The following RSRC1 variants were observed in gnomAD, a reference collection of about 807,000 sequenced individuals.
The protein encoded by RSRC1 is arginine and serine rich coiled-coil 1.
RSRC1 carries 39 observed loss-of-function variants against 49.1 expected under a neutral mutation model. The ratio of observed to expected loss-of-function variants is 0.79; its 90% CI spans 0.61 to 1.04. The LOEUF is 1.04. Ranked by LOEUF, RSRC1 falls within the 50% of genes least tolerant of loss-of-function variation. RSRC1 has a pLI of 0.00. For synonymous variants in RSRC1, 143 were observed against 130.8 expected (o/e 1.09, Z -0.63); for missense variants, 388 against 402.4 (o/e 0.96, Z 0.31).
chr3:158,490,824 T>C (rs888597517), intron 7 of RSRC1, among the ~76,000 whole-genome samples: 2 of 152,224 alleles, frequency 1.3e-5, no homozygotes. Context: ...GTTCATATTA[T>C]ACACGTACTG....
chr3:158,237,148 G>T (rs1336766958), intron 4 of RSRC1, among the ~76,000 whole-genome samples: 1 of 152,106 alleles, frequency 6.6e-6, no homozygotes, highest in East Asian at 1.9e-4. Context: ...TTTGACAAAG[G>T]ATATTTCAAT....
At chr3:158,451,955 G>A (rs530277016) in intron 6 of RSRC1, among the ~76,000 whole-genome samples, 3 of 152,126 alleles carry the variant, frequency 2.0e-5, no homozygotes, top group African/African-American at 7.2e-5. Context: ...ATTTTCTAAT[G>A]CCATCTTAAA....
At chr3:158,146,657 C>G (rs562218713) in intron 3 of RSRC1, among the ~76,000 whole-genome samples, 101 of 152,206 alleles carry the variant, frequency 6.6e-4, no homozygotes, top group African/African-American at 1.3e-3. Context: ...ATGAGTTAGG[C>G]AGGATTCCCT....
intron 6 of RSRC1, among the ~76,000 whole-genome samples, chr3:158,407,510 A>G (rs1231364774): frequency 6.6e-6 from 1 of 152,216 alleles, no homozygotes; most frequent in Non-Finnish European, 1.5e-5. Context: ...CTACCACTAA[A>G]TAAAAATTAA....
chr3:158,205,225 A>G (rs1283700923), intron 4 of RSRC1, among the ~76,000 whole-genome samples: 1 of 152,092 alleles, frequency 6.6e-6, no homozygotes, highest in Non-Finnish European at 1.5e-5. Flanking sequence ...GTAGTAGAGG[A>G]TAGTGTTGTG....
intron 7 of RSRC1, among the ~76,000 whole-genome samples, chr3:158,527,367 T>C (rs1277188981): frequency 2.0e-5 from 3 of 151,050 alleles, no homozygotes; most frequent in Admixed American, 6.6e-5. Context: ...GAGTTGGAGA[T>C]TTTTTTTTAA....
rs150996295 is a variant in RSRC1, at chr3:158,478,208, T to C, written c.652+17205T>C. Among the ~76,000 whole-genome samples, 167 of 152,096 alleles carry C rather than the reference T, an allele frequency of 1.1e-3. 1 individual carries two copies. The highest frequency in any genetic ancestry group is 3.8e-3 in the African/African-American group (157 of 41,550). Reference sequence around the variant, plus strand: ...TTTTCACTAGACTATCACAATCATTTTACACTGTTAGACCTAGGTTTTGGG... The same window carrying C: ...TTTTCACTAGACTATCACAATCATTCTACACTGTTAGACCTAGGTTTTGGG... On this transcript the variant is annotated intron_variant, in intron 7 of 9. Coordinates refer to ENST00000611884, the MANE Select transcript of RSRC1 (RefSeq NM_001271838.2).
chr3:158,144,182 C>T (rs1578129877), intron 3 of RSRC1, among the ~76,000 whole-genome samples: 2 of 152,030 alleles, frequency 1.3e-5, no homozygotes, highest in Admixed American at 6.6e-5. Context: ...ATGTGCACAA[C>T]GTGCAGGTTT....
At chr3:158,341,365 G>A (rs1051167183) in intron 5 of RSRC1, among the ~76,000 whole-genome samples, 1 of 152,114 alleles carries the variant, frequency 6.6e-6, no homozygotes, top group Admixed American at 6.5e-5. Flanking sequence ...CCTATGCTGT[G>A]TGCAGCCTAG....
chr3:158,261,901 A>C (rs75363875), intron 4 of RSRC1, among the ~76,000 whole-genome samples: 161 of 152,322 alleles, frequency 1.1e-3, no homozygotes, highest in African/African-American at 3.5e-3. Flanking sequence ...TAATAGTAAT[A>C]GAAATATAGT....
At chr3:158,433,182 A>T (rs139627353) in intron 6 of RSRC1, among the ~76,000 whole-genome samples, 1 of 152,114 alleles carries the variant, frequency 6.6e-6, no homozygotes, top group Admixed American at 6.6e-5. Context: ...TAGGTTTTAG[A>T]TAAATTAGCT....
In RSRC1 at chr3:158,139,758, C is replaced by T. The variant is rs879023358; in HGVS notation, c.320+15767C>T. 3.0e-4 allele frequency among the ~76,000 whole-genome samples: 46 copies of T among 152,034 alleles called. 1 individual carries two copies. The highest frequency in any genetic ancestry group is 1.6e-3 in the Admixed American group (25 of 15,274). On this transcript the variant is annotated intron_variant, in intron 3 of 9. Transcript: ENST00000611884. The stretch of plus-strand genomic sequence containing the variant: ...AAGTGATTCTCTTTCCTCAGCCTCC[C>T]GAGTAGCTGAGATGACAGGCGTGTG...
chr3:158,141,270 T>G (rs2108196483), intron 3 of RSRC1, among the ~76,000 whole-genome samples: 1 of 152,154 alleles, frequency 6.6e-6, no homozygotes, highest in African/African-American at 2.4e-5. Context: ...GGCAGGAAAA[T>G]CTGGTTGCTG....
chr3:158,349,907 A>C (rs1048716339), intron 5 of RSRC1, among the ~76,000 whole-genome samples: 2 of 151,362 alleles, frequency 1.3e-5, no homozygotes, highest in African/African-American at 4.8e-5. Flanking sequence ...CATATTTGTC[A>C]GGCTGGTTTG....
intron 7 of RSRC1, among the ~76,000 whole-genome samples, chr3:158,532,718 T>A (rs929893487): frequency 6.6e-6 from 1 of 151,858 alleles, no homozygotes; most frequent in African/African-American, 2.4e-5. Flanking sequence ...TCCATTAACA[T>A]CTAGCAGAAA....
intron 7 of RSRC1, among the ~76,000 whole-genome samples, chr3:158,464,554 C>T (rs994593014): frequency 6.6e-6 from 1 of 152,098 alleles, no homozygotes; most frequent in Non-Finnish European, 1.5e-5. Flanking sequence ...TAAGTAAAGA[C>T]AGAGCAGTCC....
chr3:158,229,093 CACAT>C (rs1393888034), intron 4 of RSRC1, among the ~76,000 whole-genome samples: 1 of 148,994 alleles, frequency 6.7e-6, no homozygotes, highest in Non-Finnish European at 1.5e-5. Flanking sequence ...TGTATAAACA[CACAT>C]ACGTGTATAT....
chr3:158,498,326 C>T (rs765435399), intron 7 of RSRC1, among the ~76,000 whole-genome samples: 4 of 151,654 alleles, frequency 2.6e-5, no homozygotes, highest in Non-Finnish European at 4.4e-5. Context: ...TGATGTTGAG[C>T]ATTTTTTCAT....
intron 7 of RSRC1, among the ~76,000 whole-genome samples, chr3:158,521,215 T>G (rs1312991434): frequency 6.6e-6 from 1 of 152,124 alleles, no homozygotes; most frequent in Non-Finnish European, 1.5e-5. Flanking sequence ...AATTATGTTG[T>G]TATGGTTAGA....
Sources: gnomAD v4.1 joint callset for allele counts (sites outside exome capture counted in the v4.1 genomes callset) on GRCh38, gnomAD v4.1.1 for gene constraint, MANE v1.5 for transcripts, NCBI Gene and HGNC (gene_info 2026-07-23, HGNC 2026-07-21) for gene names.